The following LRIF1 variants were observed in gnomAD, a reference collection of about 807,000 sequenced individuals.
LRIF1 encodes ligand dependent nuclear receptor interacting factor 1, also known as ligand-dependent nuclear receptor-interacting factor 1.
In LRIF1, 32 loss-of-function variants were observed where a neutral mutation model predicts 52.7. The ratio of observed to expected loss-of-function variants is 0.61; its 90% CI spans 0.46 to 0.82. LRIF1 has a LOEUF of 0.82. LRIF1 is among the 40% of genes least tolerant of loss of function. The pLI, the probability that LRIF1 is intolerant of heterozygous loss-of-function variation, is 0.00. For missense variants in LRIF1, 887 were observed against 892.0 expected, an observed-to-expected ratio of 0.99 and a Z score of 0.07; for synonymous variants, 323 against 317.4, an observed-to-expected ratio of 1.02 and a Z score of -0.19.
At chr1:110,943,866 CTTCT>C (rs1313490098), downstream of LRIF1, 3 of 152,150 alleles carry the variant, frequency 2.0e-5, no homozygotes, top group African/African-American at 4.8e-5. Context: ...AAAATTTCAA[CTTCT>C]TTATCTAAAG....
At chr1:110,931,824 T>C in the LRIF1 span, among the ~76,000 whole-genome samples, 1 of 152,166 alleles carries the variant, frequency 6.6e-6, no homozygotes, top group Non-Finnish European at 1.5e-5. Context: ...CCCCTTTTTG[T>C]TGGAGTTGTT....
chr1:110,885,535 C>G, the LRIF1 span, among the ~76,000 whole-genome samples: 1 of 150,282 alleles, frequency 6.7e-6, no homozygotes, highest in African/African-American at 2.5e-5. Flanking sequence ...GAGACTCTGT[C>G]TCAAAAAACA....
the LRIF1 span, among the ~76,000 whole-genome samples, chr1:110,909,426 G>C: frequency 6.6e-6 from 1 of 152,130 alleles, no homozygotes; most frequent in African/African-American, 2.4e-5. Context: ...AAAAGGCACA[G>C]AGTGGCAAGT....
chr1:110,923,054 C>T, the LRIF1 span, among the ~76,000 whole-genome samples: 1 of 152,282 alleles, frequency 6.6e-6, no homozygotes, highest in South Asian at 2.1e-4. Context: ...CCTGTAATAC[C>T]AGCACTTTGG....
chr1:110,902,794 C>G, the LRIF1 span, among the ~76,000 whole-genome samples: 4 of 152,288 alleles, frequency 2.6e-5, no homozygotes, highest in East Asian at 7.7e-4. Flanking sequence ...AACTGTCTAA[C>G]ACAAAAAACC....
the LRIF1 span, among the ~76,000 whole-genome samples, chr1:110,913,711 G>C: frequency 6.6e-6 from 1 of 152,190 alleles, no homozygotes; most frequent in Non-Finnish European, 1.5e-5. Flanking sequence ...CATTAGTTTA[G>C]CCACTGTGGA....
the LRIF1 span, chr1:110,896,821 CT>C: frequency 9.0e-7 from 1 of 1,115,256 alleles, no homozygotes; most frequent in Non-Finnish European, 1.3e-6. Context: ...GGACCTAGAC[CT>C]TCTATTGAGA....
intron 2 of LRIF1, among the ~76,000 whole-genome samples, chr1:110,950,863 A>C (rs970709695): frequency 1.3e-5 from 2 of 152,112 alleles, no homozygotes; most frequent in Admixed American, 6.6e-5. Context: ...ACAAAACCCC[A>C]AAACCAACTC....
Position 110,952,243 on chromosome 1 carries a change from G to A in LRIF1, c.641C>T (p.Thr214Ile). 1 of 1,614,194 alleles carries A rather than the reference G, an allele frequency of 6.2e-7. No individual in the cohort carries two copies. Among genetic ancestry groups the A allele is most frequent in the South Asian group, 1.1e-5 (1 of 91,090 alleles). The change falls in exon 2 of 4, where the codon ACC (threonine) becomes ATC (isoleucine). Residue 214 changes from threonine (T) to isoleucine (I), a missense_variant. Coordinates refer to ENST00000369763, the MANE Select transcript of LRIF1 (RefSeq NM_018372.4). ...CTCAACCATTCCTGAGGTACTGGTG[G>A]TGGCAGTTGCAAGTATCTTTTGCTG... ...SVQQKILATA[T>I]TSTSGMVEAS...
chr1:110,894,513 G>C, the LRIF1 span: 10 of 819,464 alleles, frequency 1.2e-5, 1 homozygote, highest in African/African-American at 1.4e-4. Flanking sequence ...TAGAAATGAA[G>C]TGGAAGGATA....
the LRIF1 span, chr1:110,896,740 T>G: frequency 6.2e-7 from 1 of 1,611,042 alleles, no homozygotes; most frequent in Non-Finnish European, 8.5e-7. Context: ...GGAGGTAATT[T>G]TGTCGGCAAT....
At chr1:110,938,425 A>T in the LRIF1 span, 4 of 152,212 alleles carry the variant, frequency 2.6e-5, no homozygotes, top group Non-Finnish European at 4.4e-5. Flanking sequence ...GATTAACATG[A>T]CACATCATAT....
At position 110,952,544 on chromosome 1, in the gene LRIF1, T is replaced by C. The variant is rs1658529287; in HGVS notation, c.340A>G (p.Thr114Ala). ...GAAGTAACTCTACCTTTTTCTGATG[T>C]ATCTACTGTTCTTGTAAGAAAATAG... is the stretch of plus-strand genomic sequence containing the variant. ...SNYFLTRTVDTSEKGRVTSVG... is the reference protein window; with the variant it reads ...SNYFLTRTVDASEKGRVTSVG... Residue 114 changes from threonine to alanine, a missense_variant, in exon 2 of 4, where the codon ACA becomes GCA. Coordinates refer to ENST00000369763, the MANE Select transcript of LRIF1 (RefSeq NM_018372.4). 1.2e-6 allele frequency: 2 copies of C among 1,614,066 alleles called. No homozygotes were observed. The highest frequency in any genetic ancestry group is 1.7e-5 in the Admixed American group (1 of 60,024).
At chr1:110,907,843 A>T in the LRIF1 span, among the ~76,000 whole-genome samples, 1 of 152,166 alleles carries the variant, frequency 6.6e-6, no homozygotes, top group Admixed American at 6.5e-5. Flanking sequence ...ATCCTTCAGC[A>T]CCTTACCATT....
At chr1:110,962,868 C>A (rs188006158) in intron 1 of LRIF1, among the ~76,000 whole-genome samples, 6 of 152,026 alleles carry the variant, frequency 3.9e-5, no homozygotes, top group Non-Finnish European at 8.8e-5. Context: ...TGAAAATATT[C>A]TGCTTTAGCT....
chr1:110,956,327 T>C (rs1003924527), intron 1 of LRIF1, among the ~76,000 whole-genome samples: 6 of 152,018 alleles, frequency 3.9e-5, no homozygotes, highest in African/African-American at 1.4e-4. Context: ...ACTGAGTTCA[T>C]CCAGGGTTGG....
At chr1:110,921,980 A>T in the LRIF1 span, among the ~76,000 whole-genome samples, 1 of 152,074 alleles carries the variant, frequency 6.6e-6, no homozygotes, top group Non-Finnish European at 1.5e-5. Flanking sequence ...CTCCCACCCT[A>T]CAACCTTATG....
the LRIF1 span, among the ~76,000 whole-genome samples, chr1:110,883,683 C>T: frequency 6.6e-6 from 1 of 151,808 alleles, no homozygotes; most frequent in African/African-American, 2.4e-5. Context: ...TAGCAGTTTT[C>T]TTTATGGGAA....
the LRIF1 span, chr1:110,894,316 C>T: frequency 5.1e-5 from 82 of 1,613,190 alleles, no homozygotes; most frequent in Admixed American, 6.7e-5. Context: ...AATGTATCTG[C>T]TTTGTCCCAG....
Sources: allele counts gnomAD v4.1 joint callset (sites outside exome capture counted in the v4.1 genomes callset), GRCh38; gene constraint gnomAD v4.1.1; transcripts MANE v1.5; gene names NCBI Gene and HGNC (gene_info 2026-07-23, HGNC 2026-07-21).